Variants in DPYD observed in about 807,000 individuals in gnomAD.
DPYD encodes the protein dihydropyrimidine dehydrogenase.
In DPYD, 109 loss-of-function variants were observed where a neutral mutation model predicts 116.2. The ratio of observed to expected loss-of-function variants is 0.94; its 90% confidence interval spans 0.80 to 1.10. The LOEUF (loss-of-function observed/expected upper bound fraction) is 1.10. Among genes scored for constraint, DPYD ranks in the 50% least tolerant of loss-of-function variants. The pLI is 0.00. For synonymous variants in DPYD, 440 were observed against 432.0 expected (o/e 1.02, Z -0.23); for missense variants, 1,302 against 1,254.5 (o/e 1.04, Z -0.57).
intron 8 of DPYD, among the ~76,000 whole-genome samples, chr1:97,670,949 A>T (rs1659829981): frequency 6.6e-6 from 1 of 152,174 alleles, no homozygotes; most frequent in Non-Finnish European, 1.5e-5. Context: ...CATGAAACAT[A>T]TATAGAAAAA....
chr1:97,847,774 A>G (rs995035209), intron 2 of DPYD, among the ~76,000 whole-genome samples: 1 of 152,212 alleles, frequency 6.6e-6, no homozygotes, highest in Non-Finnish European at 1.5e-5. Flanking sequence ...GAGCTAATAC[A>G]GCATTTGAAT....
At chr1:97,195,330 G>A (rs1487130086) in intron 19 of DPYD, among the ~76,000 whole-genome samples, 1 of 151,184 alleles carries the variant, frequency 6.6e-6, no homozygotes, top group Non-Finnish European at 1.5e-5. Context: ...AGAAAATGAA[G>A]GAAATGCCTG....
At chr1:97,766,339 T>C (rs1015785533) in intron 3 of DPYD, among the ~76,000 whole-genome samples, 9 of 152,152 alleles carry the variant, frequency 5.9e-5, no homozygotes, top group Non-Finnish European at 1.3e-4. Context: ...TTTTTAGATA[T>C]TATATTCAGA....
intron 19 of DPYD, among the ~76,000 whole-genome samples, chr1:97,196,729 C>T (rs1287074768): frequency 6.6e-6 from 1 of 152,086 alleles, no homozygotes. Flanking sequence ...ATGACTTGCT[C>T]CAGGCCCCAT....
chr1:97,172,585 G>C (rs933097036), intron 20 of DPYD, among the ~76,000 whole-genome samples: 1 of 152,118 alleles, frequency 6.6e-6, no homozygotes, highest in African/African-American at 2.4e-5. Flanking sequence ...CTGGCAGTTG[G>C]AAGTTGTAGA....
chr1:97,357,352 T>C (rs1670476362), intron 16 of DPYD, among the ~76,000 whole-genome samples: 1 of 151,622 alleles, frequency 6.6e-6, no homozygotes, highest in Non-Finnish European at 1.5e-5. Flanking sequence ...TGTGTTAATT[T>C]ATTAGTTCTA....
intron 10 of DPYD, among the ~76,000 whole-genome samples, chr1:97,577,831 A>T (rs1030004873): frequency 6.6e-6 from 1 of 151,800 alleles, no homozygotes; most frequent in African/African-American, 2.4e-5. Context: ...TTTTTATTTT[A>T]TTTTAATTAA....
intron 18 of DPYD, among the ~76,000 whole-genome samples, chr1:97,292,697 C>G (rs972667023): frequency 7.0e-6 from 1 of 142,436 alleles, no homozygotes; most frequent in Non-Finnish European, 1.5e-5. Context: ...AACACACATG[C>G]GTGCACGCGC....
At chr1:97,542,075 A>G (rs944185091) in intron 12 of DPYD, among the ~76,000 whole-genome samples, 9 of 152,144 alleles carry the variant, frequency 5.9e-5, no homozygotes. Context: ...TGACACTACC[A>G]TATCATTTCT....
intron 14 of DPYD, among the ~76,000 whole-genome samples, chr1:97,403,816 T>A (rs2101643962): frequency 6.6e-6 from 1 of 152,146 alleles, no homozygotes; most frequent in East Asian, 1.9e-4. Flanking sequence ...TTCTTATTAT[T>A]CATTTTGTTC....
At chr1:97,198,874 G>A (rs1026316524) in intron 19 of DPYD, among the ~76,000 whole-genome samples, 1 of 152,088 alleles carries the variant, frequency 6.6e-6, no homozygotes, top group Admixed American at 6.6e-5. Flanking sequence ...ATTCTCAGCA[G>A]GACCAGCCCT....
chr1:97,680,101 T>A (rs754644309), intron 7 of DPYD, among the ~76,000 whole-genome samples: 1 of 152,102 alleles, frequency 6.6e-6, no homozygotes, highest in Non-Finnish European at 1.5e-5. Context: ...AAACCACAAC[T>A]CAGTTAGTGA....
chr1:97,596,762 C>T (rs1571029178), intron 8 of DPYD, among the ~76,000 whole-genome samples: 2 of 152,192 alleles, frequency 1.3e-5, no homozygotes, highest in East Asian at 3.9e-4. Flanking sequence ...CAGCAATAAA[C>T]CACCATTGTC....
At chr1:97,546,009 T>C (rs1209224822) in intron 12 of DPYD, 4 of 1,365,118 alleles carry the variant, frequency 2.9e-6, no homozygotes, top group African/African-American at 1.4e-5. Context: ...GAGTTTTCCA[T>C]ATGTGACCAT....
Position 97,505,781 on chromosome 1 carries a change from C to A in DPYD, c.1740+9945G>T, listed in dbSNP as rs1007212417. Among the ~76,000 whole-genome samples, 5 of 152,014 alleles carry A rather than the reference C, an allele frequency of 3.3e-5. No homozygotes were observed. In the South Asian group the frequency reaches 1.0e-3, roughly 32 times the overall value. ...CTAAAAATGGTACTTTCTTTAATGA[C>A]ATTTTAAGCTAATTTTTCACATAAA... On this transcript the variant is annotated intron_variant, in intron 13 of 22. Transcript: ENST00000370192.
At chr1:97,182,659 G>T (rs1435224687) in intron 20 of DPYD, among the ~76,000 whole-genome samples, 1 of 152,056 alleles carries the variant, frequency 6.6e-6, no homozygotes, top group East Asian at 1.9e-4. Flanking sequence ...TGGACAAGAA[G>T]TACAGGGCCA....
intron 20 of DPYD, among the ~76,000 whole-genome samples, chr1:97,129,357 C>T (rs1653099951): frequency 6.6e-6 from 1 of 151,984 alleles, no homozygotes; most frequent in South Asian, 2.1e-4. Context: ...TGAGCCACCA[C>T]ACCCGGTCCT....
intron 16 of DPYD, among the ~76,000 whole-genome samples, chr1:97,371,659 G>A (rs558597236): frequency 6.6e-5 from 10 of 152,242 alleles, no homozygotes; most frequent in Non-Finnish European, 1.5e-4. Flanking sequence ...TTAAAATATG[G>A]AACATTCATG....
At chr1:97,343,259 CTCT>C (rs1285134488) in intron 16 of DPYD, among the ~76,000 whole-genome samples, 1 of 152,038 alleles carries the variant, frequency 6.6e-6, no homozygotes, top group Non-Finnish European at 1.5e-5. Flanking sequence ...CACCATTATT[CTCT>C]TCAATTGTCA....
Sources: gnomAD v4.1 joint callset for allele counts (sites outside exome capture counted in the v4.1 genomes callset) on GRCh38, gnomAD v4.1.1 for gene constraint, MANE v1.5 for transcripts, NCBI Gene and HGNC (gene_info 2026-07-23, HGNC 2026-07-21) for gene names.